DGKI: variants seen among roughly 807,000 people sequenced by gnomAD.
The protein encoded by DGKI is diacylglycerol kinase iota.
DGKI carries 55 observed loss-of-function variants against 147.5 expected under a neutral mutation model. The ratio of observed to expected loss-of-function variants is 0.37; its 90% CI spans 0.30 to 0.47. The LOEUF (loss-of-function observed/expected upper bound fraction) is 0.47. Among genes scored for constraint, DGKI ranks in the 20% least tolerant of loss-of-function variants. DGKI has a pLI of 1.00. For synonymous variants in DGKI, 469 were observed against 477.1 expected (o/e 0.98, Z 0.22); for missense variants, 1,007 against 1,323.8 (o/e 0.76, Z 3.71).
intron 16 of DGKI, 50 bp downstream of exon 16, chr7:137,578,220 A>T (rs746191204): frequency 7.6e-7 from 1 of 1,319,814 alleles, no homozygotes; most frequent in Admixed American, 1.7e-5. Context: ...ATACACAGTG[A>T]ATTGGCAATA....
At chr7:137,663,786 T>C (rs10228551) in intron 3 of DGKI, among the ~76,000 whole-genome samples, 9,459 of 152,180 alleles carry the variant, frequency 0.062, 816 homozygotes, top group African/African-American at 0.19. Context: ...GGTGGAGATT[T>C]CTCTGTGTGT....
intron 1 of DGKI, among the ~76,000 whole-genome samples, chr7:137,796,209 G>A (rs747912765): frequency 1.3e-5 from 2 of 152,088 alleles, no homozygotes; most frequent in Non-Finnish European, 2.9e-5. Flanking sequence ...TAAATAAAAA[G>A]CTTTAAGGCC....
chr7:137,461,388 A>G (rs1563032504), intron 27 of DGKI, among the ~76,000 whole-genome samples: 1 of 152,270 alleles, frequency 6.6e-6, no homozygotes, highest in Non-Finnish European at 1.5e-5. Context: ...TAGTCCATCA[A>G]TAGTAGTTAT....
intron 1 of DGKI, among the ~76,000 whole-genome samples, chr7:137,813,646 T>C (rs1443128779): frequency 6.6e-6 from 1 of 152,224 alleles, no homozygotes; most frequent in East Asian, 1.9e-4. Context: ...CTTATCATAT[T>C]CTCTAGTTCC....
At chr7:137,613,800 T>A (rs551219614) in intron 8 of DGKI, among the ~76,000 whole-genome samples, 1 of 152,152 alleles carries the variant, frequency 6.6e-6, no homozygotes, top group Non-Finnish European at 1.5e-5. Context: ...AATAACAGAC[T>A]TTTCCCCAAG....
At chr7:137,523,081 C>T (rs745912187) in intron 20 of DGKI, among the ~76,000 whole-genome samples, 12 of 150,916 alleles carry the variant, frequency 8.0e-5, no homozygotes, top group Middle Eastern at 3.4e-3. Flanking sequence ...AAGAGAAAGA[C>T]GGAGGGAGAG....
chr7:137,585,070 C>T (rs1639714092), intron 14 of DGKI, 139 bp downstream of exon 14: 2 of 953,484 alleles, frequency 2.1e-6, no homozygotes, highest in South Asian at 1.6e-5. Context: ...ACACATAGCC[C>T]CAGTAGCCAT....
chr7:137,464,797 A>G (rs534089909), intron 26 of DGKI, among the ~76,000 whole-genome samples: 1 of 152,318 alleles, frequency 6.6e-6, no homozygotes, highest in Admixed American at 6.5e-5. Flanking sequence ...GTGCTAGCCT[A>G]GTGGACTGTT....
At chr7:137,533,011 TG>T (rs1817393116) in intron 20 of DGKI, among the ~76,000 whole-genome samples, 1 of 152,152 alleles carries the variant, frequency 6.6e-6, no homozygotes, top group Non-Finnish European at 1.5e-5. Flanking sequence ...GGTGGACTAA[TG>T]GGTCAGTTGG....
At chr7:137,452,897 C>A (rs1814029595) in intron 27 of DGKI, 1 of 152,164 alleles carries the variant, frequency 6.6e-6, no homozygotes, top group Non-Finnish European at 1.5e-5. Context: ...CTATGGTGAA[C>A]ATGTAAGAAT....
chr7:137,806,251 A>G (rs1267100211), intron 1 of DGKI, among the ~76,000 whole-genome samples: 1 of 152,214 alleles, frequency 6.6e-6, no homozygotes, highest in African/African-American at 2.4e-5. Flanking sequence ...CATCTAAATC[A>G]GGTGTTGTTA....
At chr7:137,424,843 C>T (rs1225441794) in intron 28 of DGKI, among the ~76,000 whole-genome samples, 1 of 152,222 alleles carries the variant, frequency 6.6e-6, no homozygotes, top group Non-Finnish European at 1.5e-5. Context: ...GGGAGGGGCA[C>T]CCGCCATTGC....
intron 15 of DGKI, among the ~76,000 whole-genome samples, chr7:137,580,982 T>C (rs951322277): frequency 3.3e-5 from 5 of 152,108 alleles, no homozygotes; most frequent in Admixed American, 6.6e-5. Flanking sequence ...GGTACAGATA[T>C]AGATACAGGC....
intron 1 of DGKI, among the ~76,000 whole-genome samples, chr7:137,780,628 A>G (rs1796490400): frequency 6.6e-6 from 1 of 152,230 alleles, no homozygotes; most frequent in Admixed American, 6.5e-5. Flanking sequence ...TTCCTTCTGC[A>G]ACTAGTCAGA....
At chr7:137,777,491 C>T (rs950998959) in intron 1 of DGKI, among the ~76,000 whole-genome samples, 1 of 152,228 alleles carries the variant, frequency 6.6e-6, no homozygotes, top group Non-Finnish European at 1.5e-5. Flanking sequence ...TATGGTCTAG[C>T]TCCCTCAGTG....
chr7:137,552,137 G>A (rs1818066165), intron 20 of DGKI, among the ~76,000 whole-genome samples: 1 of 152,162 alleles, frequency 6.6e-6, no homozygotes, highest in African/African-American at 2.4e-5. Context: ...CAGTGAAGAA[G>A]AATCATCTAT....
intron 27 of DGKI, among the ~76,000 whole-genome samples, chr7:137,455,350 A>G (rs1218740502): frequency 1.3e-5 from 2 of 152,186 alleles, no homozygotes; most frequent in African/African-American, 4.8e-5. Context: ...TAATGAATGC[A>G]GATAAATCAT....
intron 21 of DGKI, among the ~76,000 whole-genome samples, chr7:137,506,614 T>C (rs538554411): frequency 2.0e-5 from 3 of 152,230 alleles, no homozygotes; most frequent in Middle Eastern, 3.4e-3. Context: ...AATAATAACG[T>C]ATCAGTATTG....
At chr7:137,714,033 T>A (rs1395979424) in intron 1 of DGKI, among the ~76,000 whole-genome samples, 1 of 152,214 alleles carries the variant, frequency 6.6e-6, no homozygotes, top group Non-Finnish European at 1.5e-5. Context: ...TGACCCATAG[T>A]CCTATGACCA....
Sources: gnomAD v4.1 joint callset for allele counts (sites outside exome capture counted in the v4.1 genomes callset) on GRCh38, gnomAD v4.1.1 for gene constraint, MANE v1.5 for transcripts, NCBI Gene and HGNC (gene_info 2026-07-23, HGNC 2026-07-21) for gene names.